The following NICN1 variants were observed in gnomAD, a reference collection of about 807,000 sequenced individuals.
NICN1 encodes nicolin 1, tubulin polyglutamylase complex subunit.
In NICN1, 18 loss-of-function variants were observed where a neutral mutation model predicts 26.3. That is an observed-to-expected ratio of 0.68 (90% CI 0.47 to 1.01). NICN1 has a LOEUF of 1.01. Ranked by LOEUF, NICN1 falls within the 50% of genes least tolerant of loss-of-function variation. The pLI, the probability that NICN1 is intolerant of heterozygous loss-of-function variation, is 0.00. For synonymous variants in NICN1, 109 were observed against 111.0 expected (o/e 0.98, Z 0.11); for missense variants, 239 against 278.3 (o/e 0.86, Z 1.00).
At chr3:49,428,353 G>A (rs1695351131) in intron 1 of NICN1, among the ~76,000 whole-genome samples, 1 of 152,122 alleles carries the variant, frequency 6.6e-6, no homozygotes, top group East Asian at 1.9e-4. Flanking sequence ...ATGTGGAAGT[G>A]CAACTGGAGA....
At position 49,423,051 on chromosome 3, in the gene NICN1, A is replaced by G. The variant is rs995892688; in HGVS notation, c.*1782T>C. 5 of 192,794 alleles carry G rather than the reference A, an allele frequency of 2.6e-5. No individual in the cohort carries two copies. Among genetic ancestry groups the G allele is most frequent in the African/African-American group, 1.2e-4 (5 of 42,722 alleles). The allele number at this position is 192,794 out of a possible 1,614,324, so 11.9% of individuals were successfully genotyped here. On this transcript the variant is annotated 3_prime_UTR_variant, in exon 6 of 6. Coordinates refer to ENST00000273598, the MANE Select transcript of NICN1 (RefSeq NM_032316.3). ...TGCTACCACAAGGTCCTCTTCACTTACACACACACTGAGGACTACTGCTTC... is the reference window on the plus strand; with the variant it reads ...TGCTACCACAAGGTCCTCTTCACTTGCACACACACTGAGGACTACTGCTTC...
At chr3:49,425,677 C>T (rs1221673064) in intron 3 of NICN1, among the ~76,000 whole-genome samples, 1 of 152,142 alleles carries the variant, frequency 6.6e-6, no homozygotes, top group Non-Finnish European at 1.5e-5. Context: ...GGCTCCAGCT[C>T]TGAAAGTAGC....
At position 49,422,759 on chromosome 3, in the gene NICN1, G is replaced by A. The variant is rs1297086335; in HGVS notation, c.*2074C>T. ...CCTGCAGAACCGCCCTGTCTCCAGA[G>A]GGTCAAAGTTCTGGAAAGGGCTGAA... On this transcript the variant is annotated 3_prime_UTR_variant, in exon 6 of 6. Transcript: ENST00000273598. 2.0e-6 allele frequency: 1 copy of A among 501,568 alleles called. No homozygotes were observed. Among genetic ancestry groups the A allele is most frequent in the South Asian group, 2.0e-5 (1 of 50,592 alleles). 31.1% of individuals were successfully genotyped at this position (501,568 alleles called of 1,614,324 possible). A position where few individuals can be genotyped will look rare whatever the true frequency, so the allele number is the denominator to read the frequency against.
In NICN1 at chr3:49,422,829, TG is replaced by T; in HGVS notation, c.*2003del. Reference sequence around the variant, plus strand: ...AGGACCTCAAGAGAGTAAGGTCAAGTGGGGGTGGGGAAGGTGGGCCAGCCTG... The same window carrying T: ...AGGACCTCAAGAGAGTAAGGTCAAGTGGGGTGGGGAAGGTGGGCCAGCCTG... On this transcript the variant is annotated 3_prime_UTR_variant, in exon 6 of 6. Transcript: ENST00000273598. 2 of 368,828 alleles carry T rather than the reference TG, an allele frequency of 5.4e-6. No homozygotes were observed. Among genetic ancestry groups the T allele is most frequent in the Non-Finnish European group, 1.1e-5 (2 of 190,082 alleles). 22.8% of individuals were successfully genotyped at this position (368,828 alleles called of 1,614,324 possible).
At chr3:49,427,629 C>A in intron 1 of NICN1, among the ~76,000 whole-genome samples, 1 of 121,494 alleles carries the variant, frequency 8.2e-6, no homozygotes. Flanking sequence ...GGTGACAAAA[C>A]GAGGCTACCT....
At chr3:49,425,845 G>T in intron 3 of NICN1, 38 bp downstream of exon 3, 1 of 1,157,638 alleles carries the variant, frequency 8.6e-7, no homozygotes, top group Non-Finnish European at 1.3e-6. Flanking sequence ...GAAGCTTTCT[G>T]GGGAAAGGGC....
chr3:49,424,640 A>G lies in NICN1; in HGVS notation c.*193T>C, dbSNP rs2049155797. On this transcript the variant is annotated 3_prime_UTR_variant, in exon 6 of 6. Coordinates refer to ENST00000273598, the MANE Select transcript of NICN1 (RefSeq NM_032316.3). Reference sequence around the variant, plus strand: ...AGTTGCAGCCAGGCGAAGACAGAGCACCCCCATGCCAGGAGCTCATGCTGA... The same window carrying G: ...AGTTGCAGCCAGGCGAAGACAGAGCGCCCCCATGCCAGGAGCTCATGCTGA... 1 of 622,008 alleles carries G rather than the reference A, an allele frequency of 1.6e-6. No individual in the cohort carries two copies. The highest frequency in any genetic ancestry group is 2.7e-5 in the Admixed American group (1 of 37,074). The allele number at this position is 622,008 out of a possible 1,614,324, so 38.5% of individuals were successfully genotyped here.
In NICN1 at chr3:49,424,933, G is replaced by A. The variant is rs1217068673; in HGVS notation, c.600+16C>T. ...TCAGGGCAAAGCAAGCCAAGCAGAA[G>A]GAAGCGATTACTTACATCAAAGCGG... On this transcript the variant is annotated intron_variant, in intron 5 of 5. Coordinates refer to ENST00000273598, the MANE Select transcript of NICN1 (RefSeq NM_032316.3). The A allele has an allele frequency of 6.2e-7, 1 of 1,613,408 alleles. No homozygotes were observed. Among genetic ancestry groups the A allele is most frequent in the African/African-American group, 1.3e-5 (1 of 74,906 alleles).
chr3:49,427,647 A>T (rs79898941), intron 1 of NICN1, among the ~76,000 whole-genome samples: 1 of 147,208 alleles, frequency 6.8e-6, no homozygotes, highest in Admixed American at 6.8e-5. Context: ...CCTCTCAGAA[A>T]AAAAAAAAAA....
chr3:49,427,073 G>C (rs1341431868), intron 1 of NICN1, among the ~76,000 whole-genome samples: 1 of 152,076 alleles, frequency 6.6e-6, no homozygotes, highest in Non-Finnish European at 1.5e-5. Context: ...TGTAATCCCA[G>C]CACTTTCGGA....
chr3:49,429,198 T>C lies in NICN1; in HGVS notation c.42A>G (p.Val14=). The change falls in exon 1 of 6, where the codon GTA becomes GTG. Residue 14 remains valine, a synonymous_variant. Transcript: ENST00000273598. The part of the protein sequence containing the change: ...VLVPCHVKGS[V]ALQVGDVRTS... ...TCCGCACGTCGCCCACCTGGAGGGC[T>C]ACGGAGCCTTTCACATGGCAAGGCA... The C allele has an allele frequency of 6.2e-7, 1 of 1,610,470 alleles. No individual in the cohort carries two copies. Among genetic ancestry groups the C allele is most frequent in the Non-Finnish European group, 8.5e-7 (1 of 1,178,530 alleles).
At chr3:49,427,275 C>T (rs1236784917) in intron 1 of NICN1, among the ~76,000 whole-genome samples, 1 of 148,672 alleles carries the variant, frequency 6.7e-6, no homozygotes, top group African/African-American at 2.5e-5. Context: ...GAGCTGAGAT[C>T]GCGCCATTCC....
At position 49,424,568 on chromosome 3, in the gene NICN1, CA is replaced by C. The variant is rs1009528755; in HGVS notation, c.*264del. ...GGGGCAGAGGGCACTCAGGGATTCTCAGTAAGTACAACTGACTGGAGTGTTT... is the reference window on the plus strand; with the variant it reads ...GGGGCAGAGGGCACTCAGGGATTCTCGTAAGTACAACTGACTGGAGTGTTT... On this transcript the variant is annotated 3_prime_UTR_variant, in exon 6 of 6. Transcript: ENST00000273598. 6.8e-6 allele frequency: 4 copies of C among 586,518 alleles called. No homozygotes were observed. In the African/African-American group the frequency reaches 7.5e-5, roughly 11 times the overall value. The allele number at this position is 586,518 out of a possible 1,614,324, so 36.3% of individuals were successfully genotyped here.
At chr3:49,426,556 C>A (rs1292206386) in intron 1 of NICN1, 128 bp from the exon 2 acceptor site, 2 of 709,284 alleles carry the variant, frequency 2.8e-6, no homozygotes, top group Non-Finnish European at 4.6e-6. Context: ...GAGAGGAAAT[C>A]TTGCTCTTTT....
rs765489264 is a variant in NICN1, at chr3:49,422,572, C to A, written c.*2261G>T. On this transcript the variant is annotated 3_prime_UTR_variant, in exon 6 of 6. Coordinates refer to ENST00000273598, the MANE Select transcript of NICN1 (RefSeq NM_032316.3). ...TCCGGAGCAAAGGATCTGAAGGGGG[C>A]GTGGGCAGCCCCAAGGGCAGGCTGG... The A allele has an allele frequency of 1.0e-4, 110 of 1,096,430 alleles. 1 individual carries two copies. Among genetic ancestry groups the A allele is most frequent in the Non-Finnish European group, 1.4e-4 (100 of 734,964 alleles). The allele number at this position is 1,096,430 out of a possible 1,614,324, so 67.9% of individuals were successfully genotyped here. A position where few individuals can be genotyped will look rare whatever the true frequency, so the allele number is the denominator to read the frequency against.
intron 2 of NICN1, 127 bp downstream of exon 2, chr3:49,426,125 C>T: frequency 8.7e-7 from 1 of 1,143,906 alleles, no homozygotes; most frequent in African/African-American, 1.5e-5. Flanking sequence ...CCCTCCAAGG[C>T]ACTTCCCTGG....
chr3:49,424,909 C>T (rs1403439848), intron 5 of NICN1, 35 bp from the exon 6 acceptor site: 1 of 1,613,284 alleles, frequency 6.2e-7, no homozygotes, highest in Non-Finnish European at 8.5e-7. Flanking sequence ...CTGATCTGCT[C>T]AGGGCAAAGC....
rs146812560 is a variant in NICN1 at position 49,424,782 on chromosome 3, C to T, written c.*51G>A. On this transcript the variant is annotated 3_prime_UTR_variant, in exon 6 of 6. Coordinates refer to ENST00000273598, the MANE Select transcript of NICN1 (RefSeq NM_032316.3). ...ACACTTCAGCCTCTGGTGGCCCAAA[C>T]CAAGTCTGGGTGGGCACAGAAAGGC... The T allele has an allele frequency of 6.5e-7, 1 of 1,549,508 alleles. No homozygotes were observed. Among genetic ancestry groups the T allele is most frequent in the African/African-American group, 1.4e-5 (1 of 73,696 alleles).
chr3:49,424,868 C>T lies in NICN1; in HGVS notation c.607G>A (p.Gly203Ser), dbSNP rs2049158022. Residue 203 changes from glycine to serine, a missense_variant, in exon 6 of 6, where the codon GGC (glycine) becomes AGC (serine). Physicochemically the swap from Gly to Ser is moderately conservative, Grantham distance 56. Coordinates refer to ENST00000273598, the MANE Select transcript of NICN1 (RefSeq NM_032316.3). ...SARIGRFDVD[G>S]CYDLNLLSYT ...GAGAGCAAGTTCAGGTCATAACAGCCATCCACCTGAAATACAAAAGACCAT... is the reference window on the plus strand; with the variant it reads ...GAGAGCAAGTTCAGGTCATAACAGCTATCCACCTGAAATACAAAAGACCAT... 6.2e-7 allele frequency: 1 copy of T among 1,613,854 alleles called. No homozygotes were observed. Among genetic ancestry groups the T allele is most frequent in the Non-Finnish European group, 8.5e-7 (1 of 1,179,810 alleles).
Sources: allele counts gnomAD v4.1 joint callset (sites outside exome capture counted in the v4.1 genomes callset), GRCh38; gene constraint gnomAD v4.1.1; transcripts MANE v1.5; gene names NCBI Gene and HGNC (gene_info 2026-07-23, HGNC 2026-07-21).